Variants in TBC1D22A observed in about 807,000 individuals in gnomAD.
The protein encoded by TBC1D22A is TBC1 domain family member 22A.
In TBC1D22A, 38 loss-of-function variants were observed where a neutral mutation model predicts 60.2. The observed-to-expected ratio is 0.63, with a 90% CI of 0.49 to 0.83. TBC1D22A has a LOEUF of 0.83. Ranked by LOEUF, TBC1D22A falls within the 40% of genes least tolerant of loss-of-function variation. TBC1D22A has a pLI of 0.00. For synonymous variants in TBC1D22A, 302 were observed against 281.7 expected (o/e 1.07, Z -0.72); for missense variants, 628 against 701.0 (o/e 0.90, Z 1.18).
At chr22:47,162,723 G>GTCTT in intron 12 of TBC1D22A, among the ~76,000 whole-genome samples, 4 of 125,682 alleles carry the variant, frequency 3.2e-5, no homozygotes, top group African/African-American at 9.7e-5. Context: ...GAGAGTCGTG[G>GTCTT]GAATGGGACT....
rs777882577 is a variant in TBC1D22A, at chr22:47,122,237, C to G, written c.1425+10634C>G. Among the ~76,000 whole-genome samples, 103 of 152,218 alleles carry G rather than the reference C, an allele frequency of 6.8e-4. 1 individual carries two copies. Among genetic ancestry groups the G allele is most frequent in the Admixed American group, 2.0e-4 (3 of 15,286 alleles). ...TCTGCAGGTCACCCCAGCTCCTAGG[C>G]TGCACAAAGTGCCATTGAGGCTGGC... On this transcript the variant is annotated intron_variant, in intron 12 of 12. Coordinates refer to ENST00000337137, the MANE Select transcript of TBC1D22A (RefSeq NM_014346.5).
At chr22:47,048,526 T>C (rs2033741217) in intron 11 of TBC1D22A, among the ~76,000 whole-genome samples, 1 of 152,138 alleles carries the variant, frequency 6.6e-6, no homozygotes, top group Admixed American at 6.5e-5. Context: ...CACAGCAGCC[T>C]TGCCTTCCAG....
At chr22:46,941,853 ATATG>A (rs1428152041) in intron 8 of TBC1D22A, among the ~76,000 whole-genome samples, 7 of 147,288 alleles carry the variant, frequency 4.8e-5, no homozygotes, top group African/African-American at 9.9e-5. Flanking sequence ...TATGTATAGA[ATATG>A]TATAGAATAT....
rs185662067 is a variant in TBC1D22A at position 46,994,004 on chromosome 22, G to A, written c.1126-3630G>A. Among the ~76,000 whole-genome samples the A allele has an allele frequency of 6.5e-4, 99 of 152,352 alleles. No individual in the cohort carries two copies. In the East Asian group the frequency reaches 0.017, roughly 27 times the overall value. On this transcript the variant is annotated intron_variant, in intron 9 of 12. Coordinates refer to ENST00000337137, the MANE Select transcript of TBC1D22A (RefSeq NM_014346.5). ...TGAAGGCTGGCCTTCTCCGCCCCTA[G>A]CCTGAAGCCAGAATGCCGAGGCCAT...
chr22:46,985,027 C>T (rs2074669434), intron 9 of TBC1D22A, among the ~76,000 whole-genome samples: 1 of 152,220 alleles, frequency 6.6e-6, no homozygotes, highest in Admixed American at 6.5e-5. Flanking sequence ...AGGGGGGAGC[C>T]TCCGCCATGA....
chr22:47,063,450 G>A (rs748274732), intron 11 of TBC1D22A, among the ~76,000 whole-genome samples: 5 of 152,198 alleles, frequency 3.3e-5, no homozygotes, highest in Non-Finnish European at 7.4e-5. Flanking sequence ...AGGACAGCCT[G>A]CAGAGAGACC....
intron 10 of TBC1D22A, among the ~76,000 whole-genome samples, chr22:47,016,185 C>G (rs1016606573): frequency 3.3e-5 from 5 of 152,212 alleles, no homozygotes; most frequent in African/African-American, 4.8e-5. Context: ...CCCTGAACTC[C>G]TGAGTGCACC....
chr22:46,989,318 C>G (rs947090381), intron 9 of TBC1D22A, among the ~76,000 whole-genome samples: 16 of 152,008 alleles, frequency 1.1e-4, no homozygotes, highest in African/African-American at 3.9e-4. Context: ...CCTTCAAGAA[C>G]TTTTCCTTTG....
intron 1 of TBC1D22A, among the ~76,000 whole-genome samples, chr22:46,791,273 C>T (rs1458133564): frequency 4.6e-5 from 7 of 152,232 alleles, no homozygotes; most frequent in Admixed American, 1.3e-4. Context: ...CCGCCCACCT[C>T]GGCCTCCCAA....
intron 11 of TBC1D22A, among the ~76,000 whole-genome samples, chr22:47,071,623 T>TCTTTCCTTTTAAA (rs1192332659): frequency 6.6e-6 from 1 of 152,230 alleles, no homozygotes; most frequent in East Asian, 1.9e-4. Context: ...CTACTTCCAT[T>TCTTTCCTTTTAAA]CTTTCCTTTT....
At chr22:46,975,310 C>T (rs1247851387) in intron 9 of TBC1D22A, among the ~76,000 whole-genome samples, 1 of 152,006 alleles carries the variant, frequency 6.6e-6, no homozygotes, top group Non-Finnish European at 1.5e-5. Context: ...AGAAGGCACT[C>T]GACCCCAAAG....
chr22:46,955,254 G>A (rs1251564088), intron 8 of TBC1D22A, among the ~76,000 whole-genome samples: 1 of 152,182 alleles, frequency 6.6e-6, no homozygotes, highest in African/African-American at 2.4e-5. Context: ...ACCCAAAGCA[G>A]GGTTAATTAC....
chr22:46,958,015 G>A (rs988089596), intron 8 of TBC1D22A, among the ~76,000 whole-genome samples: 7 of 152,118 alleles, frequency 4.6e-5, no homozygotes, highest in Non-Finnish European at 8.8e-5. Flanking sequence ...TGCATTTCTC[G>A]GGGGTTGGGG....
At chr22:47,058,597 C>T (rs2063472443) in intron 11 of TBC1D22A, among the ~76,000 whole-genome samples, 1 of 151,946 alleles carries the variant, frequency 6.6e-6, no homozygotes, top group East Asian at 1.9e-4. Context: ...CCACTGTCCC[C>T]TGGTTCCGAG....
At position 46,920,646 on chromosome 22, in the gene TBC1D22A, A is replaced by G. The variant is rs573850841; in HGVS notation, c.1015+8458A>G. On this transcript the variant is annotated intron_variant, in intron 8 of 12. Coordinates refer to ENST00000337137, the MANE Select transcript of TBC1D22A (RefSeq NM_014346.5). The stretch of plus-strand genomic sequence containing the variant: ...TTTGCACAGAGAAGCTTCGTGGATT[A>G]GAGAAACTCTGTTGAATTGGATCCC... Among the ~76,000 whole-genome samples, 187 of 152,334 alleles carry G rather than the reference A, an allele frequency of 1.2e-3. 1 individual carries two copies. The highest frequency in any genetic ancestry group is 2.0e-3 in the Admixed American group (31 of 15,298).
chr22:46,993,656 T>G lies in TBC1D22A; in HGVS notation c.1126-3978T>G, dbSNP rs1602871193. On this transcript the variant is annotated intron_variant, in intron 9 of 12. Transcript: ENST00000337137. ...CCTTAAGCAGACAGAGCCTGTGATC[T>G]ACCCAGGGGCCTTGGTGCAGCCTGC... 2.0e-5 allele frequency among the ~76,000 whole-genome samples: 3 copies of G among 152,302 alleles called. 1 individual carries two copies. In the South Asian group the frequency reaches 6.2e-4, roughly 32 times the overall value.
intron 12 of TBC1D22A, among the ~76,000 whole-genome samples, chr22:47,163,163 G>A (rs2068063981): frequency 6.7e-6 from 1 of 148,676 alleles, no homozygotes. Flanking sequence ...CCCCCCGCCC[G>A]GCCCCTGGCT....
At chr22:47,162,023 C>A (rs1469755255) in intron 12 of TBC1D22A, among the ~76,000 whole-genome samples, 1 of 152,226 alleles carries the variant, frequency 6.6e-6, no homozygotes, top group African/African-American at 2.4e-5. Flanking sequence ...TGTATTTTGC[C>A]AGTTCCTTTA....
rs1445779998 is a variant in TBC1D22A at position 46,957,217 on chromosome 22, TAAAAC to T, written c.1016-17068_1016-17064del. On this transcript the variant is annotated intron_variant, in intron 8 of 12. Transcript: ENST00000337137. ...ACCTGGGCATACAGCTGTTTGGAAA[TAAAAC>T]AAAAGTCTGCAGAGGGAGGTTTGAG... Among the ~76,000 whole-genome samples the T allele has an allele frequency of 1.1e-4, 17 of 152,292 alleles. No individual in the cohort carries two copies. In the East Asian group the frequency reaches 1.7e-3, roughly 16 times the overall value.
Sources: gnomAD v4.1 joint callset for allele counts (sites outside exome capture counted in the v4.1 genomes callset) on GRCh38, gnomAD v4.1.1 for gene constraint, MANE v1.5 for transcripts, NCBI Gene and HGNC (gene_info 2026-07-23, HGNC 2026-07-21) for gene names.